Variants in PKHD1 observed in about 807,000 individuals in gnomAD.
PKHD1 encodes PKHD1 ciliary IPT domain containing fibrocystin/polyductin.
In PKHD1, 291 loss-of-function variants were observed where a neutral mutation model predicts 412.0. That is an observed-to-expected ratio of 0.71 (90% confidence interval 0.64 to 0.78). The LOEUF is 0.78. PKHD1 is among the 30% of genes least tolerant of loss of function. The pLI, the probability that PKHD1 is intolerant of heterozygous loss-of-function variation, is 0.00. For synonymous variants in PKHD1, 1,777 were observed against 1,821.5 expected (o/e 0.98, Z 0.62); for missense variants, 4,825 against 4,950.7 (o/e 0.97, Z 0.76).
intron 35 of PKHD1, among the ~76,000 whole-genome samples, chr6:51,962,857 A>G (rs995559655): frequency 9.2e-5 from 14 of 152,224 alleles, no homozygotes; most frequent in African/African-American, 3.4e-4. Flanking sequence ...GCCTCATTCT[A>G]GTATTAAATA....
At chr6:51,951,035 A>T (rs1282486625) in intron 36 of PKHD1, among the ~76,000 whole-genome samples, 1 of 152,186 alleles carries the variant, frequency 6.6e-6, no homozygotes, top group Non-Finnish European at 1.5e-5. Context: ...TTATAACTGT[A>T]TTAACTCTGT....
intron 52 of PKHD1, among the ~76,000 whole-genome samples, chr6:51,797,432 C>T (rs1268905853): frequency 6.6e-6 from 1 of 152,140 alleles, no homozygotes; most frequent in Non-Finnish European, 1.5e-5. Context: ...GTGTGGGAAT[C>T]TAAGTCTCTT....
At chr6:51,999,915 C>G (rs1336606076) in intron 35 of PKHD1, among the ~76,000 whole-genome samples, 3 of 152,252 alleles carry the variant, frequency 2.0e-5, no homozygotes, top group South Asian at 2.1e-4. Flanking sequence ...ACACACCACA[C>G]CACATATACC....
chr6:51,847,200 A>G (rs941630802), intron 50 of PKHD1, among the ~76,000 whole-genome samples: 4 of 150,534 alleles, frequency 2.7e-5, no homozygotes, highest in African/African-American at 9.8e-5. Context: ...GCCTCAACTG[A>G]TCCTCCCACC....
rs752114253 is a variant in PKHD1, at chr6:52,084,916, G to A, written c.18C>T (p.Ile6=). 3 of 1,606,692 alleles carry A rather than the reference G, an allele frequency of 1.9e-6. No homozygotes were observed. The highest frequency in any genetic ancestry group is 2.6e-6 in the Non-Finnish European group (3 of 1,173,486). ...GTAGTACTTCAATACTCATCAGAGA[G>A]ATCAGCCAGGCAGTCATTCTGTCCA... MTAWL[I]SLMSIEVLLL... The change falls in exon 2 of 67, where the codon ATC becomes ATT. Residue 6 remains isoleucine, a synonymous_variant. Coordinates refer to ENST00000371117, the MANE Select transcript of PKHD1 (RefSeq NM_138694.4).
rs989717813 is a variant in PKHD1 at position 52,050,580 on chromosome 6, C to G, written c.2141-285G>C. On this transcript the variant is annotated intron_variant, in intron 21 of 66. Coordinates refer to ENST00000371117, the MANE Select transcript of PKHD1 (RefSeq NM_138694.4). ...CTAGTAAAATGTCACTCCCTATGCT[C>G]TTGGAGGCACTCCTACACAGTTAAT... 3.9e-5 allele frequency among the ~76,000 whole-genome samples: 6 copies of G among 152,196 alleles called. No homozygotes were observed. In the East Asian group the frequency reaches 9.6e-4, roughly 24 times the overall value.
Position 52,066,009 on chromosome 6 carries a change from A to C in PKHD1, c.847T>G (p.Phe283Val). Residue 283 changes from phenylalanine to valine, a missense_variant, in exon 12 of 67, where the codon TTT becomes GTT. Physicochemically the swap from Phe to Val is conservative, Grantham distance 50. Coordinates refer to ENST00000371117, the MANE Select transcript of PKHD1 (RefSeq NM_138694.4). ...GRTNITITGD[F>V]FDNSAQVTIA... is the part of the protein sequence containing the mutation. ...GTAACCTGGGCAGAATTGTCAAAAA[A>C]GTCTCCTGTAATTGTGATGTTTGTT... is the stretch of plus-strand genomic sequence containing the variant. 1 of 1,599,124 alleles carries C rather than the reference A, an allele frequency of 6.3e-7. No individual in the cohort carries two copies. The highest frequency in any genetic ancestry group is 8.6e-7 in the Non-Finnish European group (1 of 1,166,418).
In PKHD1 at chr6:51,744,463, T is replaced by C; in HGVS notation, c.10078A>G (p.Arg3360Gly). The change falls in exon 60 of 67, where the codon AGA becomes GGA. Residue 3360 changes from arginine to glycine, a missense_variant. Transcript: ENST00000371117. ...RKYLFKDLDG[R>G]ALGLPPPVSV... is the part of the protein sequence containing the mutation. Reference sequence around the variant, plus strand: ...ACTGGTGGAGGCAGACCCAGGGCTCTCCCATCCAGATCCTTGAAGAGATAT... The same window carrying C: ...ACTGGTGGAGGCAGACCCAGGGCTCCCCCATCCAGATCCTTGAAGAGATAT... 6.2e-7 allele frequency: 1 copy of C among 1,613,072 alleles called. No individual in the cohort carries two copies. Among genetic ancestry groups the C allele is most frequent in the Non-Finnish European group, 8.5e-7 (1 of 1,179,068 alleles).
intron 60 of PKHD1, among the ~76,000 whole-genome samples, chr6:51,733,957 G>C (rs752871594): frequency 6.6e-6 from 1 of 152,232 alleles, no homozygotes; most frequent in South Asian, 2.1e-4. Context: ...GAAGCTGATT[G>C]ATCTTCAAGG....
rs1785421935 is a variant in PKHD1, at chr6:51,747,841, G to A, written c.9775C>T (p.Pro3259Ser). 6.2e-7 allele frequency: 1 copy of A among 1,613,590 alleles called. No homozygotes were observed. Residue 3259 changes from proline (P) to serine (S), a missense_variant, in exon 58 of 67, where the codon CCA becomes TCA. By Grantham distance (74) the Pro-to-Ser change is moderately conservative. Coordinates refer to ENST00000371117, the MANE Select transcript of PKHD1 (RefSeq NM_138694.4). ...TGATCATTCCTCACTTTGTGCCATG[G>A]CTCCTGAGGCCACTGATTTGGTTCT... is the stretch of plus-strand genomic sequence containing the variant. The part of the protein sequence containing the change: ...TSEPNQWPQE[P>S]WHKVRNDHSI...
chr6:51,867,564 CA>C (rs1229532638), intron 48 of PKHD1, among the ~76,000 whole-genome samples: 1 of 152,058 alleles, frequency 6.6e-6, no homozygotes, highest in Non-Finnish European at 1.5e-5. Flanking sequence ...AAATATATTT[CA>C]AACTCTCTGT....
intron 22 of PKHD1, 34 bp from the exon 23 acceptor site, chr6:52,048,653 G>A: frequency 6.2e-7 from 1 of 1,613,134 alleles, no homozygotes; most frequent in Non-Finnish European, 8.5e-7. Flanking sequence ...ATTAACGTCT[G>A]GGTTGGGGTG....
chr6:51,633,363 C>A (rs1036428357), intron 64 of PKHD1, among the ~76,000 whole-genome samples: 1 of 151,996 alleles, frequency 6.6e-6, no homozygotes, highest in Non-Finnish European at 1.5e-5. Flanking sequence ...TGAAATGAGT[C>A]ATAAAATAAT....
chr6:51,960,085 C>T (rs1375394953), intron 35 of PKHD1, 59 bp from the exon 36 acceptor site: 14 of 1,553,876 alleles, frequency 9.0e-6, no homozygotes, highest in Non-Finnish European at 1.2e-5. Flanking sequence ...TCTGTTGCTT[C>T]GTTGGTTGGT....
chr6:51,863,245 T>C (rs554388711), intron 48 of PKHD1, among the ~76,000 whole-genome samples: 3 of 124,730 alleles, frequency 2.4e-5, no homozygotes, highest in East Asian at 6.6e-4. Context: ...ATTTCAAACA[T>C]GTACTGTATA....
chr6:52,041,621 G>T (rs1804903782), intron 27 of PKHD1, among the ~76,000 whole-genome samples: 2 of 152,132 alleles, frequency 1.3e-5, no homozygotes, highest in Non-Finnish European at 2.9e-5. Flanking sequence ...CTTAATAAAA[G>T]ATAATTTCTA....
chr6:51,750,208 C>T (rs1785862921), intron 57 of PKHD1, among the ~76,000 whole-genome samples: 1 of 152,038 alleles, frequency 6.6e-6, no homozygotes, highest in Non-Finnish European at 1.5e-5. Flanking sequence ...CTAAATTTCT[C>T]AATGGGTGCT....
chr6:51,885,437 A>G (rs1778058530), intron 45 of PKHD1, among the ~76,000 whole-genome samples: 1 of 152,198 alleles, frequency 6.6e-6, no homozygotes, highest in African/African-American at 2.4e-5. Context: ...TCAAATGCAC[A>G]ACATTTGGAG....
rs1012728106 is a variant in PKHD1, at chr6:52,084,821, A to G, written c.52+61T>C. The G allele has an allele frequency of 2.8e-5, 29 of 1,023,098 alleles. No individual in the cohort carries two copies. In the African/African-American group the frequency reaches 4.4e-4, roughly 16 times the overall value. 63.4% of individuals were successfully genotyped at this position (1,023,098 alleles called of 1,614,324 possible). A position where few individuals can be genotyped will look rare whatever the true frequency, so the allele number is the denominator to read the frequency against. On this transcript the variant is annotated intron_variant, in intron 2 of 66. Transcript: ENST00000371117. ...AAATATTACTTTAAGTTTCAATAAT[A>G]GTTCTCAAGGTAACCTATTGTGTTC...
Sources: allele counts gnomAD v4.1 joint callset (sites outside exome capture counted in the v4.1 genomes callset), GRCh38; gene constraint gnomAD v4.1.1; transcripts MANE v1.5; gene names NCBI Gene and HGNC (gene_info 2026-07-23, HGNC 2026-07-21).